DPP10: variants seen among roughly 807,000 people sequenced by gnomAD.
DPP10 encodes dipeptidyl peptidase like 10.
DPP10 carries 33 observed loss-of-function variants against 120.9 expected under a neutral mutation model. That is an observed-to-expected ratio of 0.27 (90% CI 0.21 to 0.37). The LOEUF is 0.37. Ranked by LOEUF, DPP10 falls within the 10% of genes least tolerant of loss-of-function variation. The pLI is 1.00. For missense variants in DPP10, 816 were observed against 942.8 expected, an observed-to-expected ratio of 0.87 and a Z score of 1.76; for synonymous variants, 337 against 326.1, an observed-to-expected ratio of 1.03 and a Z score of -0.36.
At chr2:115,129,187 G>A (rs1283223425) in intron 1 of DPP10, among the ~76,000 whole-genome samples, 1 of 152,172 alleles carries the variant, frequency 6.6e-6, no homozygotes, top group African/African-American at 2.4e-5. Flanking sequence ...TCAATTCAGG[G>A]TGCAGCCTCA....
At chr2:115,827,891 C>T (rs778728574) in intron 21 of DPP10, among the ~76,000 whole-genome samples, 45 of 151,922 alleles carry the variant, frequency 3.0e-4, no homozygotes, top group Non-Finnish European at 6.3e-4. Context: ...GCCACTGCAC[C>T]CGGCCTAAAA....
intron 1 of DPP10, among the ~76,000 whole-genome samples, chr2:115,105,750 A>C (rs1036191699): frequency 7.9e-5 from 12 of 152,336 alleles, no homozygotes; most frequent in African/African-American, 2.4e-4. Flanking sequence ...ATCCTAGGCA[A>C]ATAAATTATT....
intron 1 of DPP10, among the ~76,000 whole-genome samples, chr2:115,147,341 C>A (rs546625807): frequency 6.6e-6 from 1 of 152,026 alleles, no homozygotes; most frequent in South Asian, 2.1e-4. Flanking sequence ...TTTGTTGTGG[C>A]TTTTGATCCA....
At chr2:114,688,534 G>T (rs867659347) in intron 1 of DPP10, among the ~76,000 whole-genome samples, 11 of 151,904 alleles carry the variant, frequency 7.2e-5, no homozygotes, top group Admixed American at 5.2e-4. Context: ...CTGATGCTTG[G>T]TCCTAGGAGA....
At chr2:114,745,889 C>T (rs965277349) in intron 1 of DPP10, among the ~76,000 whole-genome samples, 1 of 152,220 alleles carries the variant, frequency 6.6e-6, no homozygotes, top group African/African-American at 2.4e-5. Context: ...CCTTTCTCAT[C>T]TCATGCTGAG....
chr2:115,533,836 T>G (rs1455317556), intron 5 of DPP10, among the ~76,000 whole-genome samples: 1 of 152,082 alleles, frequency 6.6e-6, no homozygotes, highest in Admixed American at 6.6e-5. Flanking sequence ...TTGTAGTTGC[T>G]GCTGCTGAAC....
intron 1 of DPP10, among the ~76,000 whole-genome samples, chr2:115,125,499 T>C (rs930178089): frequency 1.3e-5 from 2 of 151,468 alleles, no homozygotes; most frequent in African/African-American, 2.4e-5. Flanking sequence ...AAGCCAATTA[T>C]ACCATTTTTA....
chr2:115,334,515 A>G (rs754017085), intron 2 of DPP10, among the ~76,000 whole-genome samples: 27 of 151,664 alleles, frequency 1.8e-4, no homozygotes, highest in Non-Finnish European at 1.2e-4. Flanking sequence ...ATATTTTGGA[A>G]CTTATAAAGT....
chr2:114,951,579 AAAG>A (rs1336077910), intron 1 of DPP10, among the ~76,000 whole-genome samples: 2 of 152,194 alleles, frequency 1.3e-5, no homozygotes, highest in Non-Finnish European at 2.9e-5. Context: ...CTAGAGTGAA[AAAG>A]AAGGTTTTTT....
At chr2:115,031,694 A>T (rs529385043) in intron 1 of DPP10, among the ~76,000 whole-genome samples, 21 of 152,134 alleles carry the variant, frequency 1.4e-4, no homozygotes, top group African/African-American at 4.6e-4. Context: ...TCTCAAAAAC[A>T]CCTTAATTTT....
At chr2:114,980,610 T>A in intron 1 of DPP10, among the ~76,000 whole-genome samples, 1 of 146,220 alleles carries the variant, frequency 6.8e-6, no homozygotes. Flanking sequence ...TTCTAGAACT[T>A]AGAAGGAACA....
chr2:114,511,015 T>C lies in DPP10; in HGVS notation c.60+68177T>C, dbSNP rs145527968. ...GTATTACAGACGCATTCAGGGATGA[T>C]GGGTATCCCCGGATCCTAAGGCCTA... is the stretch of plus-strand genomic sequence containing the variant. On this transcript the variant is annotated intron_variant, in intron 1 of 25. Coordinates refer to ENST00000410059, the MANE Select transcript of DPP10 (RefSeq NM_020868.6). 1.5e-4 allele frequency among the ~76,000 whole-genome samples: 23 copies of C among 152,372 alleles called. No homozygotes were observed. The East Asian group carries it at 3.7e-3, about 24-fold the overall frequency.
chr2:114,510,487 C>T (rs201024296), intron 1 of DPP10, among the ~76,000 whole-genome samples: 3 of 152,012 alleles, frequency 2.0e-5, no homozygotes, highest in African/African-American at 7.3e-5. Context: ...GCCAGTAATC[C>T]CAGCTACTCA....
chr2:114,994,279 A>G (rs766708738), intron 1 of DPP10, among the ~76,000 whole-genome samples: 7 of 152,190 alleles, frequency 4.6e-5, no homozygotes, highest in Non-Finnish European at 7.3e-5. Context: ...TGCAATTACT[A>G]TGTAGAGTAG....
intron 1 of DPP10, among the ~76,000 whole-genome samples, chr2:114,498,542 G>A (rs1682877688): frequency 6.6e-6 from 1 of 152,200 alleles, no homozygotes; most frequent in African/African-American, 2.4e-5. Flanking sequence ...CAGTTCTGCA[G>A]GCTGGGAAGT....
intron 1 of DPP10, among the ~76,000 whole-genome samples, chr2:114,776,221 A>G (rs1681722681): frequency 6.6e-6 from 1 of 152,176 alleles, no homozygotes; most frequent in Non-Finnish European, 1.5e-5. Context: ...CAATTGAACA[A>G]CAATTAGAAC....
chr2:114,496,318 G>A (rs1558812471), intron 1 of DPP10, among the ~76,000 whole-genome samples: 1 of 152,042 alleles, frequency 6.6e-6, no homozygotes, highest in Non-Finnish European at 1.5e-5. Context: ...ACAGAATTGG[G>A]GCCTACACCT....
chr2:115,459,936 T>C (rs185638404), intron 3 of DPP10, among the ~76,000 whole-genome samples: 1 of 39,520 alleles, frequency 2.5e-5, no homozygotes, highest in Non-Finnish European at 2.3e-4. Context: ...TATATATATA[T>C]ATACACACAC....
chr2:115,075,705 CT>C (rs202184549), intron 1 of DPP10, among the ~76,000 whole-genome samples: 2,672 of 143,116 alleles, frequency 0.019, 37 homozygotes, highest in Middle Eastern at 0.029. Context: ...CAATGGTGAA[CT>C]TTTTTTTTTT....
Sources: allele counts gnomAD v4.1 joint callset (sites outside exome capture counted in the v4.1 genomes callset), GRCh38; gene constraint gnomAD v4.1.1; transcripts MANE v1.5; gene names NCBI Gene and HGNC (gene_info 2026-07-23, HGNC 2026-07-21).